The following GPC6 variants were observed in gnomAD, a reference collection of about 807,000 sequenced individuals.
GPC6 encodes the protein glypican 6.
A neutral mutation model predicts 55.2 loss-of-function variants in GPC6; 14 were observed. The ratio of observed to expected loss-of-function variants is 0.25; its 90% CI spans 0.17 to 0.40. GPC6 has a LOEUF of 0.40. Among genes scored for constraint, GPC6 ranks in the 10% least tolerant of loss-of-function variants. The probability of loss-of-function intolerance (pLI) is 1.00; values close to 1 mark genes in which losing one functional copy is unlikely to be tolerated. For missense variants in GPC6, 641 were observed against 708.5 expected (o/e 0.90, Z 1.08); for synonymous variants, 278 against 259.6 (o/e 1.07, Z -0.68).
At chr13:93,744,954 T>C (rs1039660987) in intron 2 of GPC6, among the ~76,000 whole-genome samples, 6 of 150,904 alleles carry the variant, frequency 4.0e-5, no homozygotes, top group African/African-American at 7.3e-5. Flanking sequence ...AAAAAGTATA[T>C]ATATCTCAAA....
At chr13:94,258,920 T>G (rs987735207) in intron 4 of GPC6, among the ~76,000 whole-genome samples, 3 of 152,132 alleles carry the variant, frequency 2.0e-5, no homozygotes, top group African/African-American at 7.2e-5. Context: ...CAAACAGAGA[T>G]GTAACAAGGG....
intron 4 of GPC6, among the ~76,000 whole-genome samples, chr13:94,117,674 A>T (rs1057310048): frequency 6.6e-6 from 1 of 152,122 alleles, no homozygotes; most frequent in Non-Finnish European, 1.5e-5. Flanking sequence ...GAACAAAGTA[A>T]GTGGTAGAGA....
chr13:93,818,830 T>C (rs1886949933), intron 2 of GPC6: 1 of 152,158 alleles, frequency 6.6e-6, no homozygotes, highest in South Asian at 2.1e-4. Context: ...AAGAATAGAA[T>C]TGGGAGTTTT....
At chr13:93,351,585 T>C (rs954091421) in intron 1 of GPC6, among the ~76,000 whole-genome samples, 6 of 151,944 alleles carry the variant, frequency 3.9e-5, no homozygotes, top group African/African-American at 1.2e-4. Flanking sequence ...AGAAGGAGGA[T>C]ATTGAATGTT....
At chr13:94,385,060 A>T (rs985375239) in intron 7 of GPC6, among the ~76,000 whole-genome samples, 3 of 152,090 alleles carry the variant, frequency 2.0e-5, no homozygotes, top group African/African-American at 7.2e-5. Flanking sequence ...GCCAAGATAC[A>T]GAAACCCTGT....
chr13:94,234,577 T>C (rs935855579), intron 4 of GPC6, among the ~76,000 whole-genome samples: 1 of 151,786 alleles, frequency 6.6e-6, no homozygotes, highest in Non-Finnish European at 1.5e-5. Context: ...TAATATTATC[T>C]TGTCATTCTG....
intron 3 of GPC6, among the ~76,000 whole-genome samples, chr13:93,899,726 T>A (rs1158726238): frequency 6.6e-6 from 1 of 152,122 alleles, no homozygotes; most frequent in Non-Finnish European, 1.5e-5. Context: ...AGAGGTTATT[T>A]CGCATTTGAT....
At chr13:93,385,710 C>G (rs1451202978) in intron 1 of GPC6, among the ~76,000 whole-genome samples, 1 of 152,170 alleles carries the variant, frequency 6.6e-6, no homozygotes, top group African/African-American at 2.4e-5. Context: ...TTACAGGCTT[C>G]TAATGAATGC....
chr13:94,215,801 G>A (rs1158534069), intron 4 of GPC6, among the ~76,000 whole-genome samples: 1 of 151,968 alleles, frequency 6.6e-6, no homozygotes, highest in East Asian at 1.9e-4. Context: ...TACATTTTGT[G>A]CACAAATTTT....
intron 4 of GPC6, among the ~76,000 whole-genome samples, chr13:94,165,261 CAT>C (rs1285497942): frequency 7.0e-6 from 1 of 143,620 alleles, no homozygotes; most frequent in Non-Finnish European, 1.5e-5. Context: ...TATATGTATA[CAT>C]ATATATATAC....
chr13:93,571,007 A>T (rs1328398728), intron 2 of GPC6, among the ~76,000 whole-genome samples: 1 of 152,040 alleles, frequency 6.6e-6, no homozygotes, highest in Non-Finnish European at 1.5e-5. Context: ...AACATTTTTC[A>T]GTGTGTGTAG....
At chr13:93,433,259 T>TGAG in intron 1 of GPC6, among the ~76,000 whole-genome samples, 1 of 152,132 alleles carries the variant, frequency 6.6e-6, no homozygotes, top group Non-Finnish European at 1.5e-5. Context: ...TCATAGGAAA[T>TGAG]ATTGGTATGA....
intron 1 of GPC6, among the ~76,000 whole-genome samples, chr13:93,483,080 T>G (rs529091272): frequency 6.6e-6 from 1 of 152,310 alleles, no homozygotes; most frequent in South Asian, 2.1e-4. Flanking sequence ...CTGACTTTGA[T>G]CACTTCGTAC....
intron 2 of GPC6, among the ~76,000 whole-genome samples, chr13:93,590,974 C>T (rs533295591): frequency 1.3e-5 from 2 of 151,138 alleles, no homozygotes; most frequent in South Asian, 4.2e-4. Context: ...TACCCTAAAA[C>T]TTAAAGTATA....
At chr13:94,305,127 T>C (rs564836721) in intron 5 of GPC6, among the ~76,000 whole-genome samples, 13 of 152,328 alleles carry the variant, frequency 8.5e-5, no homozygotes, top group Admixed American at 8.5e-4. Flanking sequence ...ACTATTGCAA[T>C]CCCTATTTTT....
intron 4 of GPC6, among the ~76,000 whole-genome samples, chr13:94,158,905 G>A (rs1178524715): frequency 3.3e-5 from 5 of 151,844 alleles, no homozygotes; most frequent in African/African-American, 4.8e-5. Context: ...TTTAAGATGC[G>A]TCTTATCTTT....
At chr13:94,142,663 G>A (rs1887423559) in intron 4 of GPC6, among the ~76,000 whole-genome samples, 1 of 151,974 alleles carries the variant, frequency 6.6e-6, no homozygotes, top group African/African-American at 2.4e-5. Context: ...ACCGGGTGTT[G>A]TCTTGCTTTT....
At chr13:93,663,944 A>G (rs910840116) in intron 2 of GPC6, among the ~76,000 whole-genome samples, 5 of 152,212 alleles carry the variant, frequency 3.3e-5, no homozygotes, top group Non-Finnish European at 7.3e-5. Flanking sequence ...AGGCAAGAGC[A>G]TGGAAGTCCT....
chr13:93,392,049 G>A (rs972924068), intron 1 of GPC6, among the ~76,000 whole-genome samples: 1 of 152,210 alleles, frequency 6.6e-6, no homozygotes, highest in East Asian at 1.9e-4. Context: ...TCTTAAATCA[G>A]GATTTATAGT....
Sources: gnomAD v4.1 joint callset for allele counts (sites outside exome capture counted in the v4.1 genomes callset) on GRCh38, gnomAD v4.1.1 for gene constraint, MANE v1.5 for transcripts, NCBI Gene and HGNC (gene_info 2026-07-23, HGNC 2026-07-21) for gene names.